The following RAPGEF6 variants were observed in gnomAD, a reference collection of about 807,000 sequenced individuals.
The protein encoded by RAPGEF6 is Rap guanine nucleotide exchange factor 6, also known as PDZ domain containing guanine nucleotide exchange factor (GEF) 2.
In RAPGEF6, 56 loss-of-function variants were observed where a neutral mutation model predicts 171.4. The observed-to-expected ratio is 0.33, with a 90% CI of 0.26 to 0.41. The LOEUF is 0.41. Among genes scored for constraint, RAPGEF6 ranks in the 10% least tolerant of loss-of-function variants. The pLI, the probability that RAPGEF6 is intolerant of heterozygous loss-of-function variation, is 1.00. For synonymous variants in RAPGEF6, 692 were observed against 650.1 expected (o/e 1.06, Z -0.98); for missense variants, 1,674 against 1,921.4 (o/e 0.87, Z 2.41).
intron 1 of RAPGEF6, among the ~76,000 whole-genome samples, chr5:131,628,900 GA>G (rs921080644): frequency 6.6e-6 from 1 of 152,062 alleles, no homozygotes; most frequent in African/African-American, 2.4e-5. Context: ...CCACTGCTCA[GA>G]AAAAAAGATT....
In RAPGEF6 at chr5:131,445,597, T is replaced by C. The variant is rs1752639988; in HGVS notation, c.3421+886A>G. The stretch of plus-strand genomic sequence containing the variant: ...TCTGTGTGTGCGCGCGTATTTATTT[T>C]TGAGAGACTGAGTCTCACTTTGTTG... On this transcript the variant is annotated intron_variant, in intron 22 of 27. Coordinates refer to ENST00000509018, the MANE Select transcript of RAPGEF6 (RefSeq NM_016340.6). 3.3e-5 allele frequency among the ~76,000 whole-genome samples: 5 copies of C among 152,088 alleles called. No homozygotes were observed. The South Asian group carries it at 1.0e-3, about 32-fold the overall frequency.
chr5:131,494,618 A>G (rs1756504684), intron 13 of RAPGEF6, among the ~76,000 whole-genome samples: 1 of 152,160 alleles, frequency 6.6e-6, no homozygotes, highest in South Asian at 2.1e-4. Flanking sequence ...AAGGGACCTG[A>G]ATATATGGGT....
intron 4 of RAPGEF6, among the ~76,000 whole-genome samples, chr5:131,581,457 C>G (rs1762954488): frequency 6.6e-6 from 1 of 152,086 alleles, no homozygotes; most frequent in Non-Finnish European, 1.5e-5. Context: ...TACGAAACTG[C>G]ATCCAGGCTA....
chr5:131,506,887 A>G (rs1757403287), intron 9 of RAPGEF6, among the ~76,000 whole-genome samples: 1 of 151,828 alleles, frequency 6.6e-6, no homozygotes, highest in South Asian at 2.1e-4. Flanking sequence ...TGAAATATTT[A>G]GAATATCCTG....
At chr5:131,432,462 C>CA (rs1164917752) in intron 25 of RAPGEF6, among the ~76,000 whole-genome samples, 1 of 151,806 alleles carries the variant, frequency 6.6e-6, no homozygotes, top group African/African-American at 2.4e-5. Context: ...ACTAAAAATA[C>CA]AAAAAATTAG....
chr5:131,462,172 T>C lies in RAPGEF6; in HGVS notation c.2481-84A>G, dbSNP rs1442447224. On this transcript the variant is annotated intron_variant, in intron 18 of 27. Transcript: ENST00000509018. ...TTTTCCTTTTTGTCGTTGTAAAATA[T>C]CATTTTACTGTTAATAACTTTTAGC... is the stretch of plus-strand genomic sequence containing the variant. 167 of 1,107,832 alleles carry C rather than the reference T, an allele frequency of 1.5e-4. 1 individual carries two copies. Among genetic ancestry groups the C allele is most frequent in the Non-Finnish European group, 2.0e-4 (165 of 837,052 alleles). The allele number at this position is 1,107,832 out of a possible 1,614,324, so 68.6% of individuals were successfully genotyped here.
rs781148462 is a variant in RAPGEF6 at position 131,510,509 on chromosome 5, G to C, written c.628-18C>G. 3 of 1,604,406 alleles carry C rather than the reference G, an allele frequency of 1.9e-6. No homozygotes were observed. The South Asian group carries it at 3.4e-5, about 18-fold the overall frequency. On this transcript the variant is annotated intron_variant, in intron 7 of 27. Coordinates refer to ENST00000509018, the MANE Select transcript of RAPGEF6 (RefSeq NM_016340.6). ...TCCGTAGCCTATGAAAAGAAATCTT[G>C]ATCACTTACCATTTCATGTAAAAAA...
chr5:131,544,302 A>G (rs777790121), intron 6 of RAPGEF6, among the ~76,000 whole-genome samples: 6 of 152,234 alleles, frequency 3.9e-5, no homozygotes, highest in South Asian at 2.1e-4. Context: ...CAATCCAAAT[A>G]TTCATAAACA....
Position 131,424,636 on chromosome 5 carries a change from C to G in RAPGEF6, c.*2630G>C, listed in dbSNP as rs976193224. 3 of 152,294 alleles carry G rather than the reference C, an allele frequency of 2.0e-5. No individual in the cohort carries two copies. The highest frequency in any genetic ancestry group is 7.2e-5 in the African/African-American group (3 of 41,436). 9.4% of individuals were successfully genotyped at this position (152,294 alleles called of 1,614,324 possible). ...GTGATTTATCACCCTCAAGAAAATT[C>G]ACTAAAGGCTTTTTCTCCCCAAAGA... On this transcript the variant is annotated 3_prime_UTR_variant, in exon 28 of 28. Transcript: ENST00000509018.
chr5:131,464,424 C>A, intron 17 of RAPGEF6, 143 bp from the exon 18 acceptor site: 2 of 633,504 alleles, frequency 3.2e-6, no homozygotes, highest in Admixed American at 3.1e-5. Context: ...GTCACTGTTG[C>A]ATTTATTGAT....
chr5:131,472,976 A>T, intron 16 of RAPGEF6: 1 of 480,182 alleles, frequency 2.1e-6, no homozygotes. Flanking sequence ...ATTCTACTAC[A>T]TCCTAATTAA....
chr5:131,438,460 C>A (rs1752167252), intron 24 of RAPGEF6, among the ~76,000 whole-genome samples: 1 of 152,208 alleles, frequency 6.6e-6, no homozygotes, highest in Non-Finnish European at 1.5e-5. Context: ...CTGGAAGCTT[C>A]TCTCTCCTGT....
chr5:131,471,076 A>G (rs555633353), intron 17 of RAPGEF6, among the ~76,000 whole-genome samples: 2 of 152,334 alleles, frequency 1.3e-5, no homozygotes, highest in Non-Finnish European at 2.9e-5. Context: ...TCCGGTAAAT[A>G]GTTTAATTAA....
chr5:131,485,386 C>T (rs1755816797), intron 15 of RAPGEF6, among the ~76,000 whole-genome samples: 1 of 152,164 alleles, frequency 6.6e-6, no homozygotes, highest in African/African-American at 2.4e-5. Flanking sequence ...TAGAGGGACT[C>T]TTCGAGGAGA....
intron 4 of RAPGEF6, among the ~76,000 whole-genome samples, chr5:131,585,325 C>CATAA (rs1360746522): frequency 2.3e-4 from 35 of 149,648 alleles, no homozygotes; most frequent in South Asian, 4.2e-4. Context: ...TACATACATA[C>CATAA]ATACATACAT....
chr5:131,516,501 A>G (rs1004248315), intron 7 of RAPGEF6, among the ~76,000 whole-genome samples: 1 of 152,202 alleles, frequency 6.6e-6, no homozygotes, highest in Non-Finnish European at 1.5e-5. Context: ...TAGAGGTGGT[A>G]ACTGAAGTCT....
chr5:131,502,119 C>T (rs1757061592), intron 11 of RAPGEF6, among the ~76,000 whole-genome samples: 1 of 152,050 alleles, frequency 6.6e-6, no homozygotes, highest in South Asian at 2.1e-4. Context: ...CTACCTAAAA[C>T]CTGGGACAAT....
chr5:131,627,159 C>T (rs962448184), intron 1 of RAPGEF6, among the ~76,000 whole-genome samples: 2 of 152,188 alleles, frequency 1.3e-5, no homozygotes, highest in Non-Finnish European at 2.9e-5. Flanking sequence ...GACAGCAACT[C>T]GGCCAGCTGC....
At chr5:131,625,978 T>C (rs1765903207) in intron 1 of RAPGEF6, among the ~76,000 whole-genome samples, 1 of 152,200 alleles carries the variant, frequency 6.6e-6, no homozygotes. Flanking sequence ...CCCCACTCAA[T>C]TACATCTCCA....
Sources: allele counts gnomAD v4.1 joint callset (sites outside exome capture counted in the v4.1 genomes callset), GRCh38; gene constraint gnomAD v4.1.1; transcripts MANE v1.5; gene names NCBI Gene and HGNC (gene_info 2026-07-23, HGNC 2026-07-21).